The following KIAA0753 variants were observed in gnomAD, a reference collection of about 807,000 sequenced individuals.
KIAA0753 encodes protein moonraker.
A neutral mutation model predicts 116.9 loss-of-function variants in KIAA0753; 114 were observed. The ratio of observed to expected loss-of-function variants is 0.98; its 90% CI spans 0.84 to 1.14. The LOEUF (loss-of-function observed/expected upper bound fraction) is 1.14, where lower values mean the gene tolerates loss of function less well. Among genes scored for constraint, KIAA0753 ranks in the 50% most tolerant of loss-of-function variants. KIAA0753 has a pLI of 0.00. For missense variants in KIAA0753, 1,156 were observed against 1,172.4 expected (o/e 0.99, Z 0.20); for synonymous variants, 405 against 413.1 (o/e 0.98, Z 0.24).
intron 7 of KIAA0753, among the ~76,000 whole-genome samples, chr17:6,619,160 C>G (rs1055683407): frequency 6.6e-6 from 1 of 151,568 alleles, no homozygotes; most frequent in African/African-American, 2.4e-5. Flanking sequence ...ACCTGGGAGG[C>G]AGAGGTTGCA....
intron 18 of KIAA0753, among the ~76,000 whole-genome samples, chr17:6,588,123 C>T (rs1008100385): frequency 1.3e-5 from 2 of 152,172 alleles, no homozygotes; most frequent in African/African-American, 4.8e-5. Flanking sequence ...GACTGACACA[C>T]TCCACCCCTA....
intron 14 of KIAA0753, 46 bp from the exon 15 acceptor site, chr17:6,596,389 G>A (rs1412760863): frequency 7.4e-7 from 1 of 1,349,638 alleles, no homozygotes; most frequent in South Asian, 1.2e-5. Flanking sequence ...GGGTGGATTA[G>A]GGGTGGGAAG....
intron 2 of KIAA0753, among the ~76,000 whole-genome samples, chr17:6,632,904 G>C (rs1349279844): frequency 6.6e-6 from 1 of 152,126 alleles, no homozygotes; most frequent in Non-Finnish European, 1.5e-5. Context: ...TCAGAAATCA[G>C]ATTAAAGGAG....
rs186772050 is a variant in KIAA0753 at position 6,620,986 on chromosome 17, G to C, written c.1117C>G (p.Leu373Val). 84 of 1,612,840 alleles carry C rather than the reference G, an allele frequency of 5.2e-5. No homozygotes were observed. In the East Asian group the frequency reaches 1.9e-3, roughly 36 times the overall value. Residue 373 changes from leucine to valine, a missense_variant, in exon 7 of 19, where the codon CTC becomes GTC. Coordinates refer to ENST00000361413, the MANE Select transcript of KIAA0753 (RefSeq NM_014804.3). ...ILQQIEALES[L>V]LEKKLSPKKV... is the part of the protein sequence containing the mutation. ...TTTGGTGACAGTTTCTTTTCCAGGA[G>C]AGATTCCAAAGCCTGCCACAAAAAC...
At chr17:6,581,537 G>T in intron 18 of KIAA0753, among the ~76,000 whole-genome samples, 2 of 152,182 alleles carry the variant, frequency 1.3e-5, no homozygotes, top group East Asian at 3.8e-4. Context: ...TTGAGACTAT[G>T]TAAACTCCTG....
intron 13 of KIAA0753, among the ~76,000 whole-genome samples, chr17:6,599,785 C>T (rs1334483946): frequency 6.6e-6 from 1 of 152,144 alleles, no homozygotes; most frequent in Non-Finnish European, 1.5e-5. Flanking sequence ...TGTTTAGGGA[C>T]CCCGAATGTC....
At chr17:6,589,087 T>C (rs1267056785) in intron 18 of KIAA0753, among the ~76,000 whole-genome samples, 2 of 152,204 alleles carry the variant, frequency 1.3e-5, no homozygotes, top group African/African-American at 4.8e-5. Flanking sequence ...GTATTGTACT[T>C]CTATTGTTAG....
At chr17:6,607,673 A>G (rs1442316479) in intron 10 of KIAA0753, among the ~76,000 whole-genome samples, 1 of 152,238 alleles carries the variant, frequency 6.6e-6, no homozygotes, top group Non-Finnish European at 1.5e-5. Flanking sequence ...GCTGTATGTA[A>G]AAGTGCTTTG....
chr17:6,632,013 G>C (rs956976855), intron 2 of KIAA0753, among the ~76,000 whole-genome samples: 22 of 152,282 alleles, frequency 1.4e-4, no homozygotes, highest in African/African-American at 4.1e-4. Context: ...CTCCCAAGTA[G>C]CTGAGATTAT....
chr17:6,599,592 G>A (rs546181916), intron 13 of KIAA0753, among the ~76,000 whole-genome samples: 1 of 151,706 alleles, frequency 6.6e-6, no homozygotes, highest in South Asian at 2.1e-4. Context: ...CTGTTCCACA[G>A]CTTCCTCAAT....
chr17:6,625,486 G>A (rs1463886508), intron 3 of KIAA0753, among the ~76,000 whole-genome samples: 1 of 151,908 alleles, frequency 6.6e-6, no homozygotes, highest in Non-Finnish European at 1.5e-5. Flanking sequence ...GGCCAACATG[G>A]CAAAACCCTG....
intron 9 of KIAA0753, 74 bp downstream of exon 9, chr17:6,609,920 G>A (rs1415130400): frequency 9.2e-6 from 14 of 1,520,020 alleles, no homozygotes; most frequent in Admixed American, 1.8e-5. Flanking sequence ...CTCCTTATAA[G>A]CTACAGGTCA....
At chr17:6,624,536 C>A (rs919850426) in intron 4 of KIAA0753, among the ~76,000 whole-genome samples, 1 of 143,910 alleles carries the variant, frequency 6.9e-6, no homozygotes, top group Non-Finnish European at 1.5e-5. Flanking sequence ...GAGTTTGGCG[C>A]CACACACACA....
chr17:6,622,636 A>C (rs1177779423), intron 6 of KIAA0753, among the ~76,000 whole-genome samples: 1 of 152,246 alleles, frequency 6.6e-6, no homozygotes, highest in Admixed American at 6.5e-5. Context: ...TAGTTAATGA[A>C]CCTGGTTTAA....
In KIAA0753 at chr17:6,628,256, G is replaced by A. The variant is rs267605023; in HGVS notation, c.579C>T (p.Thr193=). The A allele has an allele frequency of 1.2e-6, 2 of 1,614,144 alleles. No homozygotes were observed. Among genetic ancestry groups the A allele is most frequent in the African/African-American group, 1.3e-5 (1 of 75,018 alleles). ...SDLTVPNSPP[T]HDPGLQPHPR... ...GATGAGGCTGAAGTCCCGGATCATGGGTGGGTGGCGAATTTGGCACAGTAA... is the reference window on the plus strand; with the variant it reads ...GATGAGGCTGAAGTCCCGGATCATGAGTGGGTGGCGAATTTGGCACAGTAA... Residue 193 remains threonine (T), a synonymous_variant, in exon 3 of 19, where the codon ACC becomes ACT. Transcript: ENST00000361413.
chr17:6,592,338 TC>T (rs1415411498), intron 16 of KIAA0753, among the ~76,000 whole-genome samples: 3 of 152,152 alleles, frequency 2.0e-5, no homozygotes, highest in African/African-American at 7.2e-5. Flanking sequence ...TGGTAAACCT[TC>T]CATCCCCCAT....
At chr17:6,599,895 T>C (rs1284691110) in intron 13 of KIAA0753, among the ~76,000 whole-genome samples, 2 of 152,150 alleles carry the variant, frequency 1.3e-5, no homozygotes, top group Non-Finnish European at 2.9e-5. Context: ...GGTCTGGCTA[T>C]AGAATTGAGC....
At chr17:6,606,604 G>A (rs903007439) in intron 12 of KIAA0753, among the ~76,000 whole-genome samples, 1 of 152,164 alleles carries the variant, frequency 6.6e-6, no homozygotes, top group African/African-American at 2.4e-5. Flanking sequence ...GTACCTTTGA[G>A]GGTAGTCCAA....
rs1032205645 is a variant in KIAA0753, at chr17:6,639,736, G to A, written c.-69+901C>T. 7 of 152,854 alleles carry A rather than the reference G, an allele frequency of 4.6e-5. No homozygotes were observed. The highest frequency in any genetic ancestry group is 1.9e-4 in the East Asian group (1 of 5,172). The allele number at this position is 152,854 out of a possible 1,614,324, so 9.5% of individuals were successfully genotyped here. ...CCTTTCGACAGGTCCCTCTCCTGCA[G>A]GCACGGGATGGAGCTCGACTCTACT... On this transcript the variant is annotated intron_variant, in intron 1 of 18. Transcript: ENST00000361413. The surrounding 1 kb of genome is among the most constrained non-coding windows in gnomAD (Gnocchi z 4.3).
Sources: gnomAD v4.1 joint callset for allele counts (sites outside exome capture counted in the v4.1 genomes callset) on GRCh38, gnomAD v4.1.1 for gene constraint, Gnocchi (gnomAD v3.1) non-coding constraint, MANE v1.5 for transcripts, NCBI Gene and HGNC (gene_info 2026-07-23, HGNC 2026-07-21) for gene names.